Variants in RGS6 observed in about 807,000 individuals in gnomAD.
RGS6 encodes the protein regulator of G-protein signaling 6.
A neutral mutation model predicts 78.5 loss-of-function variants in RGS6; 30 were observed. That is an observed-to-expected ratio of 0.38 (90% CI 0.29 to 0.52). The LOEUF (loss-of-function observed/expected upper bound fraction) is 0.52. RGS6 is among the 20% of genes least tolerant of loss of function. The probability of loss-of-function intolerance (pLI) is 0.85; values close to 1 mark genes in which losing one functional copy is unlikely to be tolerated. For synonymous variants in RGS6, 206 were observed against 206.0 expected (o/e 1.00, Z 0.00); for missense variants, 495 against 609.7 (o/e 0.81, Z 1.98).
chr14:72,311,170 C>T (rs1466719295), intron 2 of RGS6, among the ~76,000 whole-genome samples: 1 of 152,184 alleles, frequency 6.6e-6, no homozygotes, highest in African/African-American at 2.4e-5. Context: ...AGAATCATCT[C>T]ACAAAAGGAA....
chr14:72,625,877 G>C, the RGS6 span, among the ~76,000 whole-genome samples: 1 of 151,994 alleles, frequency 6.6e-6, no homozygotes, highest in Admixed American at 6.5e-5. Flanking sequence ...ACTCTCATTA[G>C]TCACAATACA....
At chr14:72,535,157 A>C (rs1318653479) in intron 15 of RGS6, among the ~76,000 whole-genome samples, 1 of 152,174 alleles carries the variant, frequency 6.6e-6, no homozygotes, top group East Asian at 1.9e-4. Context: ...AAGGGACCAC[A>C]AGATTCTAGG....
At chr14:72,141,548 G>A (rs141547564) in intron 2 of RGS6, among the ~76,000 whole-genome samples, 152 of 152,274 alleles carry the variant, frequency 1.0e-3, no homozygotes, top group African/African-American at 3.5e-3. Flanking sequence ...AGAGAAATAC[G>A]TTCCTTATAA....
rs562961056 is a variant in RGS6, at chr14:72,453,381, C to T, written c.185-1147C>T. 2.7e-3 allele frequency among the ~76,000 whole-genome samples: 408 copies of T among 151,548 alleles called. 14 individuals are homozygous for T. Among genetic ancestry groups the T allele is most frequent in the Admixed American group, 0.02 (310 of 15,220 alleles). ...CTGTAATCCCAGCACTTTGGGAGGC[C>T]GAGGCGGGCGGATCACGAGGTCAGG... On this transcript the variant is annotated intron_variant, in intron 3 of 17. Transcript: ENST00000553525.
intron 12 of RGS6, 52 bp from the exon 13 acceptor site, chr14:72,495,075 TAATGTTTGTGTAAAACAGAATAAAG>T (rs1275357865): frequency 4.6e-6 from 4 of 875,186 alleles, no homozygotes; most frequent in Non-Finnish European, 7.8e-6. Flanking sequence ...AAGACTGCTA[TAATGTTTGTGTAAAACAGAATAAAG>T]GGGTTTTCTA....
At chr14:72,558,543 T>A (rs2097620158) in intron 17 of RGS6, among the ~76,000 whole-genome samples, 1 of 152,156 alleles carries the variant, frequency 6.6e-6, no homozygotes, top group Non-Finnish European at 1.5e-5. Flanking sequence ...GCATGTTGAT[T>A]TTTCTCACTG....
chr14:72,560,553 C>T (rs926583362), intron 17 of RGS6, among the ~76,000 whole-genome samples: 4 of 151,632 alleles, frequency 2.6e-5, no homozygotes, highest in Non-Finnish European at 4.4e-5. Context: ...CCACAGAACC[C>T]GGGGCTGGGG....
chr14:72,169,077 G>C (rs2096972047), intron 2 of RGS6, among the ~76,000 whole-genome samples: 1 of 152,146 alleles, frequency 6.6e-6, no homozygotes, highest in Non-Finnish European at 1.5e-5. Context: ...AAATTGTTCT[G>C]TATTGACATG....
At chr14:72,278,442 G>A (rs1357755691) in intron 2 of RGS6, among the ~76,000 whole-genome samples, 6 of 152,192 alleles carry the variant, frequency 3.9e-5, no homozygotes, top group African/African-American at 1.2e-4. Flanking sequence ...GACAGTGAGA[G>A]TTGTTTTTGC....
intron 16 of RGS6, chr14:72,537,494 G>C (rs1408507677): frequency 2.8e-6 from 2 of 702,204 alleles, no homozygotes; most frequent in African/African-American, 3.5e-5. Context: ...CAGCTCTCTG[G>C]GTTTCCTGCA....
intron 2 of RGS6, among the ~76,000 whole-genome samples, chr14:72,349,140 C>T (rs971544265): frequency 1.3e-5 from 2 of 152,080 alleles, no homozygotes; most frequent in African/African-American, 4.8e-5. Context: ...GCACTCCAGC[C>T]TGGGTGAAGA....
rs775549229 is a variant in RGS6, at chr14:72,478,317, A to G, written c.842A>G (p.Lys281Arg). Residue 281 changes from lysine (K) to arginine (R), a missense_variant, in exon 12 of 18, where the codon AAA becomes AGA. Physicochemically the swap from Lys to Arg is conservative, Grantham distance 26 (BLOSUM62 2). Transcript: ENST00000553525. ...QIDRHCLKMS[K>R]VAESLIAYTE... Reference sequence around the variant, plus strand: ...GACAGACATTGTTTGAAAATGTCCAAAGTGGCTGAAAGGTATGTTTTCCTT... The same window carrying G: ...GACAGACATTGTTTGAAAATGTCCAGAGTGGCTGAAAGGTATGTTTTCCTT... The G allele has an allele frequency of 6.2e-7, 1 of 1,607,884 alleles. No individual in the cohort carries two copies. The highest frequency in any genetic ancestry group is 1.1e-5 in the South Asian group (1 of 90,694).
the RGS6 span, among the ~76,000 whole-genome samples, chr14:71,878,409 G>C: frequency 6.6e-6 from 1 of 152,236 alleles, no homozygotes; most frequent in Non-Finnish European, 1.5e-5. Context: ...CCTTGCTGCT[G>C]CCGCCTTGCA....
At chr14:72,073,704 A>T (rs2094483211) in intron 2 of RGS6, among the ~76,000 whole-genome samples, 1 of 152,204 alleles carries the variant, frequency 6.6e-6, no homozygotes, top group African/African-American at 2.4e-5. Flanking sequence ...CCACACAGAC[A>T]ATGGCCTTGG....
intron 2 of RGS6, among the ~76,000 whole-genome samples, chr14:72,181,858 C>CA (rs1850188926): frequency 6.6e-6 from 1 of 152,038 alleles, no homozygotes; most frequent in Admixed American, 6.6e-5. Flanking sequence ...CTAGAGTTAC[C>CA]AAAAATTTGT....
intron 17 of RGS6, among the ~76,000 whole-genome samples, chr14:72,556,950 A>G (rs1263583514): frequency 6.6e-6 from 1 of 152,222 alleles, no homozygotes; most frequent in African/African-American, 2.4e-5. Flanking sequence ...TTAAAACCAC[A>G]TAAAATGCCC....
At chr14:71,879,850 T>C in the RGS6 span, among the ~76,000 whole-genome samples, 5 of 152,252 alleles carry the variant, frequency 3.3e-5, no homozygotes, top group Non-Finnish European at 1.5e-5. Flanking sequence ...TGTAAAGATA[T>C]CCAAAAATGT....
chr14:72,446,420 G>A (rs1375083782), intron 3 of RGS6, among the ~76,000 whole-genome samples: 4 of 152,156 alleles, frequency 2.6e-5, no homozygotes, highest in Non-Finnish European at 5.9e-5. Flanking sequence ...TTCTCTTGAC[G>A]TTGAAAGCCA....
At chr14:72,616,314 T>C in the RGS6 span, among the ~76,000 whole-genome samples, 1 of 152,164 alleles carries the variant, frequency 6.6e-6, no homozygotes, top group East Asian at 1.9e-4. Context: ...CATTCTCAAC[T>C]GCATTAATCT....
Sources: gnomAD v4.1 joint callset for allele counts (sites outside exome capture counted in the v4.1 genomes callset) on GRCh38, gnomAD v4.1.1 for gene constraint, MANE v1.5 for transcripts, NCBI Gene and HGNC (gene_info 2026-07-23, HGNC 2026-07-21) for gene names.